RTRAF: variants seen among roughly 807,000 people sequenced by gnomAD.
The protein encoded by RTRAF is RNA transcription, translation and transport factor.
In RTRAF, 14 loss-of-function variants were observed where a neutral mutation model predicts 34.4. That is an observed-to-expected ratio of 0.41 (90% confidence interval 0.27 to 0.64). RTRAF has a LOEUF of 0.64. Among genes scored for constraint, RTRAF ranks in the 30% least tolerant of loss-of-function variants. The probability of loss-of-function intolerance (pLI) is 0.34; values close to 1 mark genes in which losing one functional copy is unlikely to be tolerated. For missense variants in RTRAF, 291 were observed against 288.4 expected (o/e 1.01, Z -0.06); for synonymous variants, 96 against 95.3 (o/e 1.01, Z -0.04).
chr14:52,003,141 C>G (rs1385467480), intron 6 of RTRAF, among the ~76,000 whole-genome samples: 1 of 152,100 alleles, frequency 6.6e-6, no homozygotes, highest in Non-Finnish European at 1.5e-5. Context: ...GGTGTCATCT[C>G]AAAAGATACC....
chr14:52,000,163 T>G (rs1890578847), intron 5 of RTRAF, among the ~76,000 whole-genome samples: 1 of 152,142 alleles, frequency 6.6e-6, no homozygotes, highest in South Asian at 2.1e-4. Flanking sequence ...GTCCATTGTT[T>G]TTCCCACATT....
rs555629186 is a variant in RTRAF at position 52,006,782 on chromosome 14, T to C, written c.*2266T>C. On this transcript the variant is annotated 3_prime_UTR_variant, in exon 8 of 8. Transcript: ENST00000261700. ...GGATATTTTACTTCCATTACAGTCA[T>C]AGATTAGCAACTGTAAAATTACCTG... The C allele has an allele frequency of 8.4e-4, 893 of 1,057,754 alleles. 4 individuals carry two copies. Among genetic ancestry groups the C allele is most frequent in the Non-Finnish European group, 4.1e-4 (300 of 724,296 alleles). 65.5% of individuals were successfully genotyped at this position (1,057,754 alleles called of 1,614,324 possible). A position where few individuals can be genotyped will look rare whatever the true frequency, so the allele number is the denominator to read the frequency against.
chr14:52,005,443 G>A lies in RTRAF; in HGVS notation c.*927G>A, dbSNP rs369502230. ...TGCAGTCACTGTTCTTTAGGGTCCA[G>A]GTTCTGATTGTAAACTCCAAGTCTT... On this transcript the variant is annotated 3_prime_UTR_variant, in exon 8 of 8. Coordinates refer to ENST00000261700, the MANE Select transcript of RTRAF (RefSeq NM_016039.3). The A allele has an allele frequency of 5.1e-6, 8 of 1,554,670 alleles. No homozygotes were observed. The highest frequency in any genetic ancestry group is 2.7e-5 in the African/African-American group (2 of 72,738).
rs1439521728 is a variant in RTRAF at position 52,006,238 on chromosome 14, A to G, written c.*1722A>G. 4 of 396,898 alleles carry G rather than the reference A, an allele frequency of 1.0e-5. No homozygotes were observed. In the Admixed American group the frequency reaches 1.6e-4, roughly 15 times the overall value. 24.6% of individuals were successfully genotyped at this position (396,898 alleles called of 1,614,324 possible). On this transcript the variant is annotated 3_prime_UTR_variant, in exon 8 of 8. Coordinates refer to ENST00000261700, the MANE Select transcript of RTRAF (RefSeq NM_016039.3). ...GGTATCAAGGGTAGTCTTATTCTCT[A>G]AAGAACATATTTAGATTAATATGCT...
chr14:51,995,582 G>T (rs891923129), intron 3 of RTRAF, among the ~76,000 whole-genome samples: 1 of 152,116 alleles, frequency 6.6e-6, no homozygotes, highest in African/African-American at 2.4e-5. Context: ...GGGGGGTACA[G>T]GTCAATATTG....
At chr14:51,999,603 T>A in intron 4 of RTRAF, 105 bp from the exon 5 acceptor site, 1 of 686,616 alleles carries the variant, frequency 1.5e-6, no homozygotes, top group Non-Finnish European at 2.4e-6. Flanking sequence ...ACTAAGAGAT[T>A]TGTTGCTACC....
rs1179401740 is a variant in RTRAF at position 52,004,664 on chromosome 14, C to CT, written c.*154dup. On this transcript the variant is annotated 3_prime_UTR_variant, in exon 8 of 8. Transcript: ENST00000261700. ...AGAGATTTACCACCATTGCTTATTG[C>CT]TTTTTTCTTTAATAAAGTTTAGGAA... 4.6e-6 allele frequency: 3 copies of CT among 649,272 alleles called. No individual in the cohort carries two copies. Among genetic ancestry groups the CT allele is most frequent in the South Asian group, 2.6e-5 (1 of 37,794 alleles). 40.2% of individuals were successfully genotyped at this position (649,272 alleles called of 1,614,324 possible).
chr14:51,999,890 T>C, intron 5 of RTRAF, 94 bp downstream of exon 5: 2 of 817,222 alleles, frequency 2.4e-6, no homozygotes, highest in Non-Finnish European at 2.0e-6. Flanking sequence ...AAAATTATGG[T>C]TGAATGACTA....
At chr14:51,998,438 A>G (rs1890553906) in intron 3 of RTRAF, 56 bp from the exon 4 acceptor site, 1 of 982,840 alleles carries the variant, frequency 1.0e-6, no homozygotes, top group Non-Finnish European at 1.5e-6. Context: ...AAATAGCAGT[A>G]GTCATTTTAC....
At chr14:51,997,139 C>T (rs892063069) in intron 3 of RTRAF, among the ~76,000 whole-genome samples, 2 of 151,870 alleles carry the variant, frequency 1.3e-5, no homozygotes, top group African/African-American at 4.8e-5. Flanking sequence ...TACTATTTTC[C>T]TCTTTGTAAT....
In RTRAF at chr14:52,005,822, A is replaced by ATGTT; in HGVS notation, c.*1308_*1311dup. 24 of 1,613,234 alleles carry ATGTT rather than the reference A, an allele frequency of 1.5e-5. No homozygotes were observed. The highest frequency in any genetic ancestry group is 2.0e-5 in the Non-Finnish European group (24 of 1,179,208). ...GATACTCATCAGTAAACTGGCCACT[A>ATGTT]TGTTTATTTACTGATACAACACCAT... On this transcript the variant is annotated 3_prime_UTR_variant, in exon 8 of 8. Transcript: ENST00000261700.
At chr14:52,001,038 C>T (rs1253045800) in intron 5 of RTRAF, among the ~76,000 whole-genome samples, 3 of 152,192 alleles carry the variant, frequency 2.0e-5, no homozygotes, top group African/African-American at 7.2e-5. Flanking sequence ...TTGCCAAGTA[C>T]AAGCATCAGT....
chr14:51,993,863 A>G (rs781062924), intron 3 of RTRAF, 41 bp downstream of exon 3: 133 of 1,222,634 alleles, frequency 1.1e-4, no homozygotes, highest in Non-Finnish European at 1.5e-4. Context: ...GAGAGAGGAA[A>G]GATGGGAAAG....
Position 52,007,717 on chromosome 14 carries a change from A to G in RTRAF, c.*3201A>G, listed in dbSNP as rs972505276. 4.5e-6 allele frequency: 5 copies of G among 1,118,658 alleles called. No individual in the cohort carries two copies. Among genetic ancestry groups the G allele is most frequent in the Non-Finnish European group, 6.6e-6 (5 of 755,228 alleles). 69.3% of individuals were successfully genotyped at this position (1,118,658 alleles called of 1,614,324 possible). A position where few individuals can be genotyped will look rare whatever the true frequency, so the allele number is the denominator to read the frequency against. ...TTTACAGACCAAAGAAAGGAGATCTAAGTGATGGGATTTCATTTTGTAGTA... is the reference window on the plus strand; with the variant it reads ...TTTACAGACCAAAGAAAGGAGATCTGAGTGATGGGATTTCATTTTGTAGTA... On this transcript the variant is annotated 3_prime_UTR_variant, in exon 8 of 8. Transcript: ENST00000261700.
At chr14:51,990,022 G>T (rs1308953762) in intron 1 of RTRAF, among the ~76,000 whole-genome samples, 1 of 152,192 alleles carries the variant, frequency 6.6e-6, no homozygotes, top group East Asian at 1.9e-4. Context: ...GGTTCCCTGG[G>T]TAATTAGGCG....
Position 52,006,155 on chromosome 14 carries a change from C to A in RTRAF, c.*1639C>A, listed in dbSNP as rs186634599. 1 of 408,816 alleles carries A rather than the reference C, an allele frequency of 2.4e-6. No homozygotes were observed. Among genetic ancestry groups the A allele is most frequent in the East Asian group, 4.8e-5 (1 of 20,736 alleles). The allele number at this position is 408,816 out of a possible 1,614,324, so 25.3% of individuals were successfully genotyped here. On this transcript the variant is annotated 3_prime_UTR_variant, in exon 8 of 8. Coordinates refer to ENST00000261700, the MANE Select transcript of RTRAF (RefSeq NM_016039.3). The stretch of plus-strand genomic sequence containing the variant: ...CTAGTCTAAATAGTATTTTTCGGTC[C>A]CTCAGACAATATGTCCACAGTGTCA...
At chr14:52,003,029 A>G (rs748152505) in intron 6 of RTRAF, among the ~76,000 whole-genome samples, 7 of 152,198 alleles carry the variant, frequency 4.6e-5, no homozygotes, top group Non-Finnish European at 1.0e-4. Flanking sequence ...CAGCAAAACT[A>G]TGCTTTGGAA....
intron 6 of RTRAF, 188 bp downstream of exon 6, chr14:52,002,054 G>A: frequency 1.8e-6 from 1 of 563,754 alleles, no homozygotes. Context: ...TCATTTTTGA[G>A]TGAAAAACTT....
rs763319248 is a variant in RTRAF, at chr14:52,005,489, C to G, written c.*973C>G. On this transcript the variant is annotated 3_prime_UTR_variant, in exon 8 of 8. Transcript: ENST00000261700. ...GTCTTCCTTTACATTACTGTACTTA[C>G]TTTCTTCCTGTGAGAGAAGAGCAGG... The G allele has an allele frequency of 4.4e-6, 7 of 1,597,870 alleles. No homozygotes were observed. Among genetic ancestry groups the G allele is most frequent in the Non-Finnish European group, 5.1e-6 (6 of 1,174,006 alleles).
Sources: gnomAD v4.1 joint callset for allele counts (sites outside exome capture counted in the v4.1 genomes callset) on GRCh38, gnomAD v4.1.1 for gene constraint, MANE v1.5 for transcripts, NCBI Gene and HGNC (gene_info 2026-07-23, HGNC 2026-07-21) for gene names.